PIP5K1B: variants seen among roughly 807,000 people sequenced by gnomAD.
PIP5K1B encodes the protein phosphatidylinositol 4-phosphate 5-kinase type-1 beta.
A neutral mutation model predicts 67.0 loss-of-function variants in PIP5K1B; 42 were observed. The observed-to-expected ratio is 0.63, with a 90% CI of 0.49 to 0.81. The LOEUF (loss-of-function observed/expected upper bound fraction) is 0.81. PIP5K1B is among the 30% of genes least tolerant of loss of function. The probability of loss-of-function intolerance (pLI) is 0.00; values close to 1 mark genes in which losing one functional copy is unlikely to be tolerated. For missense variants in PIP5K1B, 459 were observed against 646.3 expected (o/e 0.71, Z 3.14); for synonymous variants, 214 against 231.4 (o/e 0.92, Z 0.68).
intron 4 of PIP5K1B, among the ~76,000 whole-genome samples, chr9:68,836,625 C>G (rs776058782): frequency 1.4e-5 from 2 of 137,982 alleles, no homozygotes; most frequent in African/African-American, 2.6e-5. Context: ...ACACATACAT[C>G]TACACACACA....
intron 13 of PIP5K1B, among the ~76,000 whole-genome samples, 187 bp downstream of exon 13, chr9:68,935,232 C>CT (rs1356493338): frequency 1.3e-5 from 2 of 152,090 alleles, no homozygotes; most frequent in African/African-American, 4.8e-5. Flanking sequence ...TTTGGGAGGC[C>CT]TAGGTGGGTG....
At chr9:68,849,121 G>A (rs951260158) in intron 4 of PIP5K1B, among the ~76,000 whole-genome samples, 2 of 152,156 alleles carry the variant, frequency 1.3e-5, no homozygotes, top group African/African-American at 4.8e-5. Flanking sequence ...AGGAATCAAA[G>A]CTGAAGAAAT....
chr9:68,908,448 A>AT (rs1449445681), intron 8 of PIP5K1B, among the ~76,000 whole-genome samples: 2 of 151,786 alleles, frequency 1.3e-5, no homozygotes, highest in Non-Finnish European at 2.9e-5. Flanking sequence ...AAAAAAAAAA[A>AT]GCCTTGGTAC....
intron 2 of PIP5K1B, among the ~76,000 whole-genome samples, chr9:68,799,884 T>C (rs2131974759): frequency 6.6e-6 from 1 of 152,190 alleles, no homozygotes; most frequent in Middle Eastern, 3.4e-3. Flanking sequence ...AGTGGACAGA[T>C]AGGACTAGGA....
chr9:68,842,244 GAGGCAGGGAGGGTGGAC>G (rs913881562), intron 4 of PIP5K1B, among the ~76,000 whole-genome samples: 7 of 152,180 alleles, frequency 4.6e-5, no homozygotes, highest in Admixed American at 6.5e-5. Context: ...TGTGTCCATG[GAGGCAGGGAGGGTGGAC>G]AGGCAGGGAG....
At chr9:68,858,331 C>A (rs1269308416) in intron 4 of PIP5K1B, among the ~76,000 whole-genome samples, 1 of 152,118 alleles carries the variant, frequency 6.6e-6, no homozygotes, top group East Asian at 1.9e-4. Context: ...GTCTAAGGCA[C>A]CTTGTCAGTG....
chr9:68,809,752 A>G (rs1437206915), intron 2 of PIP5K1B, among the ~76,000 whole-genome samples: 2 of 152,144 alleles, frequency 1.3e-5, no homozygotes, highest in Non-Finnish European at 2.9e-5. Flanking sequence ...TCTAAGTCCA[A>G]TTTCAGTGTT....
chr9:68,762,795 G>A lies in PIP5K1B; in HGVS notation c.-86+20138G>A, dbSNP rs1830243014. Among the ~76,000 whole-genome samples, 3 of 152,154 alleles carry A rather than the reference G, an allele frequency of 2.0e-5. No homozygotes were observed. In the South Asian group the frequency reaches 6.2e-4, roughly 32 times the overall value. On this transcript the variant is annotated intron_variant, in intron 2 of 15. Transcript: ENST00000265382. ...TTCAGCCACTTAGTCACTTAGAAAC[G>A]TTTATGAGTGTATGGGATGTGCCAC...
At chr9:68,916,825 T>C (rs1053302415) in intron 8 of PIP5K1B, among the ~76,000 whole-genome samples, 2 of 151,926 alleles carry the variant, frequency 1.3e-5, no homozygotes, top group African/African-American at 4.8e-5. Context: ...TGAGCTGAGA[T>C]TGCGCTAGTG....
chr9:68,781,304 C>A, intron 2 of PIP5K1B: 1 of 316,644 alleles, frequency 3.2e-6, no homozygotes, highest in Non-Finnish European at 6.1e-6. Context: ...ATATGTTATC[C>A]CTTGATTTTT....
intron 1 of PIP5K1B, among the ~76,000 whole-genome samples, chr9:68,709,952 C>G (rs528771998): frequency 6.6e-6 from 1 of 152,298 alleles, no homozygotes; most frequent in African/African-American, 2.4e-5. Flanking sequence ...CTGGTATTCT[C>G]AACTTCTCTT....
In PIP5K1B at chr9:68,940,719, C is replaced by G. The variant is rs745764095; in HGVS notation, c.1431C>G (p.Thr477=). ...PSLFEAASLA[T]TISSSSLYVN... The stretch of plus-strand genomic sequence containing the variant: ...TGTTTGAAGCTGCTTCCTTGGCAAC[C>G]ACAATTTCATCTTCTTCCTTATACG... The change falls in exon 14 of 16, where the codon ACC becomes ACG. Residue 477 remains threonine, a synonymous_variant. Coordinates refer to ENST00000265382, the MANE Select transcript of PIP5K1B (RefSeq NM_003558.4). 1 of 1,613,974 alleles carries G rather than the reference C, an allele frequency of 6.2e-7. No homozygotes were observed. Among genetic ancestry groups the G allele is most frequent in the Non-Finnish European group, 8.5e-7 (1 of 1,179,844 alleles).
chr9:68,894,957 A>G (rs1231353140), intron 8 of PIP5K1B, among the ~76,000 whole-genome samples: 1 of 152,238 alleles, frequency 6.6e-6, no homozygotes, highest in Non-Finnish European at 1.5e-5. Context: ...TTAACTAGAA[A>G]GAAATAGAAT....
intron 15 of PIP5K1B, among the ~76,000 whole-genome samples, chr9:69,004,337 T>TTGTGTGTG (rs56680798): frequency 6.1e-5 from 9 of 148,264 alleles, no homozygotes; most frequent in Non-Finnish European, 6.0e-5. Flanking sequence ...GTGTGTGTTT[T>TTGTGTGTG]TGTGTGTGTG....
chr9:68,736,166 G>A (rs10116084), intron 1 of PIP5K1B, among the ~76,000 whole-genome samples: 2,149 of 152,168 alleles, frequency 0.014, 46 homozygotes, highest in African/African-American at 0.048. Flanking sequence ...GGAGAGAGGA[G>A]CTATTGGAGG....
chr9:68,901,904 A>G (rs1243657982), intron 8 of PIP5K1B, among the ~76,000 whole-genome samples: 1 of 152,128 alleles, frequency 6.6e-6, no homozygotes, highest in Admixed American at 6.5e-5. Context: ...GGCTTTGTAA[A>G]TTTTTCTACC....
intron 11 of PIP5K1B, among the ~76,000 whole-genome samples, chr9:68,922,463 A>AAAAAAAGAAAAAAAAG (rs1826455071): frequency 2.6e-5 from 4 of 152,184 alleles, no homozygotes; most frequent in Admixed American, 2.6e-4. Context: ...TCTGTCTCAA[A>AAAAAAAGAAAAAAAAG]AAAAAAGAAA....
intron 2 of PIP5K1B, among the ~76,000 whole-genome samples, chr9:68,810,639 A>G (rs1219108768): frequency 3.9e-5 from 6 of 152,172 alleles, no homozygotes. Flanking sequence ...ACTGAGTTTT[A>G]TGGCCCTAGT....
At chr9:68,868,361 C>T (rs1823460338) in intron 5 of PIP5K1B, among the ~76,000 whole-genome samples, 1 of 152,162 alleles carries the variant, frequency 6.6e-6, no homozygotes, top group African/African-American at 2.4e-5. Flanking sequence ...TAGTTTTATT[C>T]ATATAGTAAA....
Sources: gnomAD v4.1 joint callset for allele counts (sites outside exome capture counted in the v4.1 genomes callset) on GRCh38, gnomAD v4.1.1 for gene constraint, MANE v1.5 for transcripts, NCBI Gene and HGNC (gene_info 2026-07-23, HGNC 2026-07-21) for gene names.